Variants in KCNJ6 observed in about 807,000 individuals in gnomAD.
KCNJ6 encodes potassium inwardly rectifying channel subfamily J member 6, also known as G protein-activated inward rectifier potassium channel 2.
In KCNJ6, 9 loss-of-function variants were observed where a neutral mutation model predicts 34.2. The observed-to-expected ratio is 0.26, with a 90% CI of 0.16 to 0.46. The LOEUF (loss-of-function observed/expected upper bound fraction) is 0.46, where lower values mean the gene tolerates loss of function less well. Ranked by LOEUF, KCNJ6 falls within the 20% of genes least tolerant of loss-of-function variation. KCNJ6 has a pLI of 1.00. For missense variants in KCNJ6, 236 were observed against 531.3 expected (o/e 0.44, Z 5.46); for synonymous variants, 196 against 207.1 (o/e 0.95, Z 0.46).
intron 2 of KCNJ6, among the ~76,000 whole-genome samples, chr21:37,779,092 A>T (rs868046615): frequency 3.3e-5 from 5 of 152,144 alleles, no homozygotes; most frequent in Admixed American, 6.5e-5. Context: ...CATCATAAAA[A>T]TTTTGCATTT....
In KCNJ6 at chr21:37,715,131, G is replaced by A. The variant is rs760371165; in HGVS notation, c.26C>T (p.Thr9Ile). 1 of 1,606,536 alleles carries A rather than the reference G, an allele frequency of 6.2e-7. No individual in the cohort carries two copies. Among genetic ancestry groups the A allele is most frequent in the East Asian group, 2.2e-5 (1 of 44,796 alleles). ...CATGGAGTCGCCCTCCAGGACGTTA[G>A]CTGGTGGTTTGGAGAAAAGAAAAGA... Reference protein sequence around the residue: MAKLTESMTNVLEGDSMDQ... With the variant: MAKLTESMINVLEGDSMDQ... Residue 9 changes from threonine to isoleucine, a missense_variant and splice_region_variant, in exon 3 of 4, where the codon ACT (threonine) becomes ATT (isoleucine). This residue lies in a region of KCNJ6 where 64 missense variants were observed against 68.9 expected (regional missense o/e 0.93). Transcript: ENST00000609713.
chr21:37,905,543 C>A (rs2055837463), intron 1 of KCNJ6, among the ~76,000 whole-genome samples: 1 of 152,168 alleles, frequency 6.6e-6, no homozygotes, highest in South Asian at 2.1e-4. Flanking sequence ...CTGGGAAAAC[C>A]TTACTAAGCA....
At chr21:37,859,301 T>A (rs899416819) in intron 1 of KCNJ6, among the ~76,000 whole-genome samples, 21 of 151,386 alleles carry the variant, frequency 1.4e-4, no homozygotes, top group Admixed American at 1.2e-3. Context: ...ATATATTTTT[T>A]AAAATTTTAT....
At chr21:37,643,110 A>G (rs2054388546) in intron 3 of KCNJ6, among the ~76,000 whole-genome samples, 1 of 152,182 alleles carries the variant, frequency 6.6e-6, no homozygotes, top group Non-Finnish European at 1.5e-5. Flanking sequence ...TTGATGGACA[A>G]CAGGCATATA....
At chr21:37,791,208 G>A (rs2055215256) in intron 2 of KCNJ6, among the ~76,000 whole-genome samples, 1 of 152,166 alleles carries the variant, frequency 6.6e-6, no homozygotes, top group Non-Finnish European at 1.5e-5. Context: ...CTCCTCTGGG[G>A]CAGTTTCTGA....
chr21:37,903,461 T>C (rs2055826356), intron 1 of KCNJ6, among the ~76,000 whole-genome samples: 1 of 152,196 alleles, frequency 6.6e-6, no homozygotes, highest in South Asian at 2.1e-4. Flanking sequence ...CTCAGGTATG[T>C]CTTTGTTAGC....
intron 1 of KCNJ6, among the ~76,000 whole-genome samples, chr21:37,855,674 G>A (rs1327528231): frequency 6.6e-5 from 10 of 152,262 alleles, no homozygotes; most frequent in East Asian, 3.9e-4. Flanking sequence ...TCTCTCCCCC[G>A]GGGACCAGTC....
At chr21:37,911,200 C>T (rs1468238715) in intron 1 of KCNJ6, among the ~76,000 whole-genome samples, 2 of 152,064 alleles carry the variant, frequency 1.3e-5, no homozygotes, top group Non-Finnish European at 2.9e-5. Context: ...TTTATTGGAG[C>T]CTAATTATTT....
At chr21:37,846,981 T>C (rs893331214) in intron 1 of KCNJ6, among the ~76,000 whole-genome samples, 7 of 152,094 alleles carry the variant, frequency 4.6e-5, no homozygotes, top group African/African-American at 1.7e-4. Context: ...AGCAAGTGAG[T>C]GTTCTCTTAG....
Position 37,690,505 on chromosome 21 carries a change from G to C in KCNJ6, c.946+23706C>G, listed in dbSNP as rs527725316. ...TTGCATTTGTAATGGGCATTGCTGG[G>C]ATAAAAGGTCTCAGCTGTGACAGTC... On this transcript the variant is annotated intron_variant, in intron 3 of 3. Transcript: ENST00000609713. 5.7e-4 allele frequency among the ~76,000 whole-genome samples: 87 copies of C among 152,272 alleles called. 1 individual carries two copies. The highest frequency in any genetic ancestry group is 3.8e-4 in the Non-Finnish European group (26 of 68,012).
rs1474359682 is a variant in KCNJ6, at chr21:37,796,169, T to G, written c.25+44489A>C. Among the ~76,000 whole-genome samples, 4 of 152,138 alleles carry G rather than the reference T, an allele frequency of 2.6e-5. No individual in the cohort carries two copies. The East Asian group carries it at 7.7e-4, about 29-fold the overall frequency. ...CCAGCGCTTTCTCCCTGCCATTTTT[T>G]ATGGCCCTGCGTGGAGGTGAAAAGG... On this transcript the variant is annotated intron_variant, in intron 2 of 3. Coordinates refer to ENST00000609713, the MANE Select transcript of KCNJ6 (RefSeq NM_002240.5).
At chr21:37,679,628 C>G (rs938585648) in intron 3 of KCNJ6, among the ~76,000 whole-genome samples, 3 of 152,178 alleles carry the variant, frequency 2.0e-5, no homozygotes, top group Non-Finnish European at 4.4e-5. Flanking sequence ...AGGTGGAAAT[C>G]AACACTAGTC....
At chr21:37,789,518 T>C (rs1037896534) in intron 2 of KCNJ6, among the ~76,000 whole-genome samples, 15 of 152,148 alleles carry the variant, frequency 9.9e-5, no homozygotes, top group Non-Finnish European at 1.6e-4. Context: ...TGTGAGAGAA[T>C]AGATTTCTGT....
chr21:37,842,196 A>G (rs2055484304), intron 1 of KCNJ6, among the ~76,000 whole-genome samples: 1 of 152,152 alleles, frequency 6.6e-6, no homozygotes, highest in Non-Finnish European at 1.5e-5. Context: ...TGTCATCGTT[A>G]TGAAGTTTAC....
chr21:37,726,017 T>C (rs929888948), intron 2 of KCNJ6, among the ~76,000 whole-genome samples: 46 of 152,336 alleles, frequency 3.0e-4, no homozygotes, highest in African/African-American at 1.1e-3. Flanking sequence ...GCAATTCTCC[T>C]GCTTCAGCCT....
At chr21:37,724,537 C>T (rs1178389548) in intron 2 of KCNJ6, among the ~76,000 whole-genome samples, 2 of 152,070 alleles carry the variant, frequency 1.3e-5, no homozygotes, top group Non-Finnish European at 2.9e-5. Context: ...AGAAGTAGAA[C>T]TGATTTAAGT....
At chr21:37,905,328 C>T (rs983751087) in intron 1 of KCNJ6, among the ~76,000 whole-genome samples, 2 of 152,174 alleles carry the variant, frequency 1.3e-5, no homozygotes, top group Admixed American at 1.3e-4. Flanking sequence ...CCACTTGCCC[C>T]CAATCAAAGC....
At chr21:37,851,932 C>A (rs1228311549) in intron 1 of KCNJ6, among the ~76,000 whole-genome samples, 1 of 150,874 alleles carries the variant, frequency 6.6e-6, no homozygotes, top group African/African-American at 2.4e-5. Context: ...TTATCCCTGA[C>A]TGGATACTGG....
intron 3 of KCNJ6, among the ~76,000 whole-genome samples, chr21:37,653,297 T>C (rs548045112): frequency 8.9e-4 from 136 of 152,150 alleles, no homozygotes; most frequent in African/African-American, 3.1e-3. Flanking sequence ...GTAAAATCAG[T>C]GGGTCAGTAG....
Sources: allele counts gnomAD v4.1 joint callset (sites outside exome capture counted in the v4.1 genomes callset), GRCh38; gene constraint gnomAD v4.1.1; regional missense constraint gnomAD v4.1.1; transcripts MANE v1.5; gene names NCBI Gene and HGNC (gene_info 2026-07-23, HGNC 2026-07-21).